PIGT: variants seen among roughly 807,000 people sequenced by gnomAD.
PIGT encodes GPI-anchor transamidase component PIGT.
A neutral mutation model predicts 66.7 loss-of-function variants in PIGT; 57 were observed. The observed-to-expected ratio is 0.86, with a 90% CI of 0.69 to 1.07. The LOEUF (loss-of-function observed/expected upper bound fraction) is 1.07. Ranked by LOEUF, PIGT falls within the 50% of genes least tolerant of loss-of-function variation. PIGT has a pLI of 0.00. For synonymous variants in PIGT, 362 were observed against 320.5 expected (o/e 1.13, Z -1.38); for missense variants, 725 against 740.4 (o/e 0.98, Z 0.24).
chr20:45,423,855 A>G (rs1990540984), intron 9 of PIGT: 1 of 273,158 alleles, frequency 3.7e-6, no homozygotes, highest in Non-Finnish European at 7.2e-6. Flanking sequence ...AGATTTAGAA[A>G]CCTGATTAGA....
chr20:45,420,364 C>G lies in PIGT; in HGVS notation c.802C>G (p.Leu268Val). ...CCTCTTCCGGATGTTCTCCCGAACC[C>G]TCACGGAGCCCTGCCCCCTGGCTTC... ...WSLFRMFSRT[L>V]TEPCPLASES... is the part of the protein sequence containing the mutation. Residue 268 changes from leucine (L) to valine (V), a missense_variant, in exon 7 of 12, where the codon CTC becomes GTC. Leu to Val is a conservative substitution (Grantham distance 32). Transcript: ENST00000279036. 5.6e-6 allele frequency: 9 copies of G among 1,613,658 alleles called. No individual in the cohort carries two copies. The highest frequency in any genetic ancestry group is 5.9e-6 in the Non-Finnish European group (7 of 1,179,888).
intron 8 of PIGT, chr20:45,421,171 G>A (rs1355087911): frequency 6.8e-6 from 4 of 585,204 alleles, no homozygotes; most frequent in East Asian, 5.6e-5. Context: ...TGTTCGTCAC[G>A]TAAGCACTTC....
At chr20:45,418,551 G>A (rs1015548307) in intron 2 of PIGT, 30 of 373,212 alleles carry the variant, frequency 8.0e-5, no homozygotes, top group African/African-American at 1.3e-4. Context: ...CACTGGAGCC[G>A]GATCATGAAG....
At chr20:45,421,023 G>T in intron 8 of PIGT, 1 of 509,282 alleles carries the variant, frequency 2.0e-6, no homozygotes, top group Non-Finnish European at 3.5e-6. Context: ...TAAGACAGAG[G>T]ACACTGCACT....
At chr20:45,418,611 G>C (rs1454280063) in intron 2 of PIGT, 1 of 477,012 alleles carries the variant, frequency 2.1e-6, no homozygotes, top group Admixed American at 3.3e-5. Flanking sequence ...AGAATCACCT[G>C]AGCAGAGACC....
chr20:45,419,846 C>T (rs1267299487), intron 5 of PIGT: 3 of 600,056 alleles, frequency 5.0e-6, no homozygotes, highest in South Asian at 2.0e-5. Context: ...TGCCAGCTGG[C>T]GTAACCTTGG....
rs1481183573 is a variant in PIGT at position 45,420,552 on chromosome 20, C to G, written c.892C>G (p.Pro298Ala). The change falls in exon 8 of 12, where the codon CCA (proline) becomes GCA (alanine). Residue 298 changes from proline (P) to alanine (A), a missense_variant. By Grantham distance (27) the Pro-to-Ala change is conservative (BLOSUM62 -1). Coordinates refer to ENST00000279036, the MANE Select transcript of PIGT (RefSeq NM_015937.6). Reference sequence around the variant, plus strand: ...GGACAACGAGACATTAGAGGTGCACCCACCCCCGACCACTACATATCAGGA... The same window carrying G: ...GGACAACGAGACATTAGAGGTGCACGCACCCCCGACCACTACATATCAGGA... ...NQDNETLEVH[P>A]PPTTTYQDVI... 1 of 1,613,770 alleles carries G rather than the reference C, an allele frequency of 6.2e-7. No individual in the cohort carries two copies. Among genetic ancestry groups the G allele is most frequent in the Non-Finnish European group, 8.5e-7 (1 of 1,179,978 alleles).
chr20:45,416,200 T>C lies in PIGT; in HGVS notation c.44T>C (p.Leu15Pro), dbSNP rs1989954369. The part of the protein sequence containing the change: ...MPLALLVLLL[L>P]GPGGWCLAEP... ...CTTGCTCTGCTCGTCCTGTTGCTCC[T>C]GGGGCCCGGCGGCTGGTGCCTTGCA... is the stretch of plus-strand genomic sequence containing the variant. The change falls in exon 1 of 12, where the codon CTG becomes CCG. Residue 15 changes from leucine (L) to proline (P), a missense_variant. Transcript: ENST00000279036. The C allele has an allele frequency of 6.3e-7, 1 of 1,591,236 alleles. No individual in the cohort carries two copies. Among genetic ancestry groups the C allele is most frequent in the Non-Finnish European group, 8.5e-7 (1 of 1,169,826 alleles).
At chr20:45,424,638 A>G (rs765596335) in intron 11 of PIGT, 59 bp downstream of exon 11, 17 of 1,350,558 alleles carry the variant, frequency 1.3e-5, no homozygotes, top group Admixed American at 8.4e-5. Flanking sequence ...GCCTTAACAC[A>G]GGTGACCAGG....
At chr20:45,416,841 T>C in intron 2 of PIGT, 147 bp downstream of exon 2, 1 of 673,378 alleles carries the variant, frequency 1.5e-6, no homozygotes, top group Non-Finnish European at 2.3e-6. Flanking sequence ...TAAGAAATGT[T>C]ACCACAGATG....
At position 45,425,564 on chromosome 20, in the gene PIGT, C is replaced by T. The variant is rs766942232; in HGVS notation, c.1485-10C>T. The T allele has an allele frequency of 6.2e-6, 10 of 1,612,132 alleles. No individual in the cohort carries two copies. The highest frequency in any genetic ancestry group is 4.0e-5 in the African/African-American group (3 of 74,890). On this transcript the variant is annotated splice_polypyrimidine_tract_variant and intron_variant, in intron 11 of 11. Coordinates refer to ENST00000279036, the MANE Select transcript of PIGT (RefSeq NM_015937.6). ...CCAGTCCTGTCTCACCGCTCTTCCC[C>T]TGACCCCAGGTTCCCAGTCTCTGAT...
At chr20:45,419,214 G>T in intron 3 of PIGT, 81 bp from the exon 4 acceptor site, 1 of 1,238,120 alleles carries the variant, frequency 8.1e-7, no homozygotes, top group South Asian at 1.3e-5. Flanking sequence ...GGGAGCAGGA[G>T]GGTCATTCCC....
At chr20:45,424,776 T>C (rs1278631787) in intron 11 of PIGT, 197 bp downstream of exon 11, 1 of 590,646 alleles carries the variant, frequency 1.7e-6, no homozygotes, top group Admixed American at 2.9e-5. Context: ...TTTAAAGTGC[T>C]TCTAGAAGAA....
Position 45,416,313 on chromosome 20 carries a change from C to A in PIGT, c.157C>A (p.Arg53Ser). ...AGCCGCCACATTCCAGTTCCGCACG[C>A]GCTGGGATTCGGAGCTTCAGCGGGA... ...DVAATFQFRT[R>S]WDSELQREGV... Residue 53 changes from arginine to serine, a missense_variant, in exon 1 of 12, where the codon CGC (arginine) becomes AGC (serine). Physicochemically the swap from Arg to Ser is moderately radical, Grantham distance 110 (BLOSUM62 -1). Transcript: ENST00000279036. The A allele has an allele frequency of 1.3e-6, 2 of 1,593,714 alleles. No individual in the cohort carries two copies. Among genetic ancestry groups the A allele is most frequent in the Non-Finnish European group, 8.6e-7 (1 of 1,168,382 alleles).
At position 45,419,377 on chromosome 20, in the gene PIGT, C is replaced by G. The variant is rs1990196964; in HGVS notation, c.576C>G (p.Leu192=). The change falls in exon 4 of 12, where the codon CTC becomes CTG. Residue 192 remains leucine (L), a synonymous_variant. Coordinates refer to ENST00000279036, the MANE Select transcript of PIGT (RefSeq NM_015937.6). ...CTENLTPWKK[L]LPCSSKAGLS... is the part of the protein sequence containing the mutation. ...AAAACCTCACCCCCTGGAAGAAGCTCTTGCCCTGTAGTTCCAAGGTGAGGC... is the reference window on the plus strand; with the variant it reads ...AAAACCTCACCCCCTGGAAGAAGCTGTTGCCCTGTAGTTCCAAGGTGAGGC... The G allele has an allele frequency of 6.2e-7, 1 of 1,613,916 alleles. No individual in the cohort carries two copies. The highest frequency in any genetic ancestry group is 8.5e-7 in the Non-Finnish European group (1 of 1,179,862).
chr20:45,420,496 C>T, intron 7 of PIGT, 32 bp from the exon 8 acceptor site: 1 of 1,613,300 alleles, frequency 6.2e-7, no homozygotes, highest in South Asian at 1.1e-5. Flanking sequence ...ACCCTCTCTG[C>T]TTGCTTCTTA....
intron 2 of PIGT, 105 bp downstream of exon 2, chr20:45,416,799 C>A: frequency 1.0e-6 from 1 of 1,002,692 alleles, no homozygotes; most frequent in Non-Finnish European, 1.4e-6. Flanking sequence ...CAGTAGGCAG[C>A]GATTCCATGG....
chr20:45,419,852 C>T (rs1292088990), intron 5 of PIGT: 1 of 600,666 alleles, frequency 1.7e-6, no homozygotes, highest in Non-Finnish European at 3.0e-6. Flanking sequence ...CTGGCGTAAC[C>T]TTGGGTGAAT....
intron 5 of PIGT, chr20:45,419,927 T>G (rs372583228): frequency 3.3e-6 from 2 of 605,496 alleles, no homozygotes; most frequent in East Asian, 2.7e-5. Flanking sequence ...AATCCACTCC[T>G]AGGGTTGTTG....
Sources: allele counts gnomAD v4.1 joint callset, GRCh38; gene constraint gnomAD v4.1.1; transcripts MANE v1.5; gene names NCBI Gene and HGNC (gene_info 2026-07-23, HGNC 2026-07-21).